The following NR2C2 variants were observed in gnomAD, a reference collection of about 807,000 sequenced individuals.
NR2C2 encodes the protein Nuclear hormone receptor TR4.
NR2C2 carries 6 observed loss-of-function variants against 62.9 expected under a neutral mutation model. That is an observed-to-expected ratio of 0.10 (90% CI 0.05 to 0.19). The LOEUF is 0.19. Ranked by LOEUF, NR2C2 falls within the 10% of genes least tolerant of loss-of-function variation. NR2C2 has a pLI of 1.00. For missense variants in NR2C2, 479 were observed against 762.7 expected (o/e 0.63, Z 4.38); for synonymous variants, 272 against 273.8 (o/e 0.99, Z 0.07).
chr3:15,034,827 G>C lies in NR2C2; in HGVS notation c.1372+18G>C. The C allele has an allele frequency of 6.2e-7, 1 of 1,600,702 alleles. No homozygotes were observed. The highest frequency in any genetic ancestry group is 8.5e-7 in the Non-Finnish European group (1 of 1,172,540). ...CCAGGAAGGTAGGGCACAGGGACTT[G>C]GGGCTGGGGTGTGTCTTGGTTCAGC... On this transcript the variant is annotated intron_variant, in intron 11 of 13. Coordinates refer to ENST00000425241, the MANE Select transcript of NR2C2 (RefSeq NM_001291694.2).
chr3:14,959,135 T>C (rs1299651726), intron 1 of NR2C2: 1 of 152,246 alleles, frequency 6.6e-6, no homozygotes, highest in African/African-American at 2.4e-5. Flanking sequence ...ACCTTCTCAC[T>C]GTGTGATCTT....
At chr3:15,000,032 T>G (rs887323944) in intron 1 of NR2C2, among the ~76,000 whole-genome samples, 2 of 152,218 alleles carry the variant, frequency 1.3e-5, no homozygotes, top group Non-Finnish European at 2.9e-5. Context: ...TGAGAACATT[T>G]GAAATTTACT....
chr3:15,019,707 A>T (rs2041616203), intron 4 of NR2C2, among the ~76,000 whole-genome samples: 1 of 152,152 alleles, frequency 6.6e-6, no homozygotes, highest in Admixed American at 6.5e-5. Context: ...AAAAAAAAAA[A>T]TTGATATCAT....
chr3:14,981,679 T>C (rs1191279001), intron 1 of NR2C2, among the ~76,000 whole-genome samples: 3 of 151,432 alleles, frequency 2.0e-5, no homozygotes, highest in East Asian at 3.9e-4. Context: ...ATCTGCAAGC[T>C]GAGGAGCAAG....
At chr3:14,977,085 T>C (rs995134736) in intron 1 of NR2C2, among the ~76,000 whole-genome samples, 1 of 152,308 alleles carries the variant, frequency 6.6e-6, no homozygotes, top group Admixed American at 6.5e-5. Flanking sequence ...TTTTCTAGTC[T>C]CTTTTCAGAA....
intron 1 of NR2C2, among the ~76,000 whole-genome samples, chr3:14,958,248 C>T (rs933895305): frequency 2.0e-5 from 3 of 152,146 alleles, no homozygotes; most frequent in Non-Finnish European, 4.4e-5. Context: ...GCAGTCAGTT[C>T]ATTGCCTAGT....
intron 1 of NR2C2, 121 bp from the exon 2 acceptor site, chr3:15,003,755 A>G (rs147807789): frequency 1.7e-6 from 1 of 603,084 alleles, no homozygotes; most frequent in Non-Finnish European, 2.9e-6. Flanking sequence ...CTGGGTCCAT[A>G]CCTCAGAACC....
At chr3:15,023,958 G>A (rs1303089175) in intron 6 of NR2C2, among the ~76,000 whole-genome samples, 157 bp from the exon 7 acceptor site, 1 of 152,232 alleles carries the variant, frequency 6.6e-6, no homozygotes, top group Non-Finnish European at 1.5e-5. Context: ...AGAGACAGGG[G>A]TGGGGGTTCT....
chr3:15,030,697 G>A (rs1179433430), intron 9 of NR2C2, among the ~76,000 whole-genome samples: 1 of 152,118 alleles, frequency 6.6e-6, no homozygotes, highest in Non-Finnish European at 1.5e-5. Context: ...GCATGGAGGC[G>A]CATGCCTGTA....
chr3:14,963,566 TCACAC>T (rs1276660748), intron 1 of NR2C2, among the ~76,000 whole-genome samples: 1 of 152,070 alleles, frequency 6.6e-6, no homozygotes, highest in Non-Finnish European at 1.5e-5. Context: ...CTTCCTGGGT[TCACAC>T]CATTCTCCTG....
At chr3:14,948,825 C>T (rs1274222962) in intron 1 of NR2C2, 1 of 152,216 alleles carries the variant, frequency 6.6e-6, no homozygotes, top group Non-Finnish European at 1.5e-5. Context: ...TCGCAGCGGC[C>T]TTGGCGAATC....
chr3:14,982,301 G>A (rs2125332089), intron 1 of NR2C2, among the ~76,000 whole-genome samples: 1 of 152,262 alleles, frequency 6.6e-6, no homozygotes, highest in Non-Finnish European at 1.5e-5. Flanking sequence ...CAACTCCTGG[G>A]CTCAAGCAGT....
chr3:14,995,691 G>GTGTGTGTGTGTGTGTA (rs1179128647), intron 1 of NR2C2, among the ~76,000 whole-genome samples: 18 of 152,032 alleles, frequency 1.2e-4, no homozygotes, highest in African/African-American at 4.1e-4. Context: ...GTGTGTGTGT[G>GTGTGTGTGTGTGTGTA]TACACCTAAG....
chr3:15,024,482 GT>G (rs2125034877), intron 7 of NR2C2, among the ~76,000 whole-genome samples: 1 of 152,232 alleles, frequency 6.6e-6, no homozygotes, highest in East Asian at 1.9e-4. Flanking sequence ...TTCTGTTATA[GT>G]TTTCTTTTTC....
chr3:15,027,945 G>A (rs546356703), intron 7 of NR2C2, among the ~76,000 whole-genome samples: 2 of 151,466 alleles, frequency 1.3e-5, no homozygotes, highest in East Asian at 3.9e-4. Context: ...TGCAACCTCT[G>A]CCTCCTGGGT....
intron 13 of NR2C2, chr3:15,042,614 GA>G (rs1188475249): frequency 4.6e-6 from 2 of 437,432 alleles, no homozygotes; most frequent in African/African-American, 4.0e-5. Context: ...AAACAAGAGT[GA>G]AGGGAACACA....
intron 5 of NR2C2, among the ~76,000 whole-genome samples, chr3:15,021,207 T>A (rs1353665231): frequency 6.6e-6 from 1 of 152,132 alleles, no homozygotes; most frequent in African/African-American, 2.4e-5. Flanking sequence ...GGAGGAAAGC[T>A]GATACCAAAT....
intron 1 of NR2C2, among the ~76,000 whole-genome samples, chr3:14,961,194 C>T (rs1214015592): frequency 6.6e-6 from 1 of 152,114 alleles, no homozygotes; most frequent in Non-Finnish European, 1.5e-5. Flanking sequence ...GTTTCTTTCT[C>T]TTAGCATTCT....
At position 15,009,436 on chromosome 3, in the gene NR2C2, A is replaced by G. The variant is rs1037093862; in HGVS notation, c.73-4153A>G. 2.0e-5 allele frequency among the ~76,000 whole-genome samples: 3 copies of G among 152,184 alleles called. No individual in the cohort carries two copies. In the East Asian group the frequency reaches 5.8e-4, roughly 29 times the overall value. On this transcript the variant is annotated intron_variant, in intron 2 of 13. Coordinates refer to ENST00000425241, the MANE Select transcript of NR2C2 (RefSeq NM_001291694.2). ...ACCTCAGTGTTTATTCATGGAAGAA[A>G]CCATGCATAAACACAAAATTTGCAT... is the stretch of plus-strand genomic sequence containing the variant.
Sources: allele counts gnomAD v4.1 joint callset (sites outside exome capture counted in the v4.1 genomes callset), GRCh38; gene constraint gnomAD v4.1.1; transcripts MANE v1.5; gene names NCBI Gene and HGNC (gene_info 2026-07-23, HGNC 2026-07-21).